The following TTC7B variants were observed in gnomAD, a reference collection of about 807,000 sequenced individuals.
TTC7B encodes the protein tetratricopeptide repeat domain 7B.
Under a neutral mutation model 106.8 loss-of-function variants are expected in TTC7B, and 28 were observed. The ratio of observed to expected loss-of-function variants is 0.26; its 90% CI spans 0.19 to 0.36. The LOEUF (loss-of-function observed/expected upper bound fraction) is 0.36. TTC7B is among the 10% of genes least tolerant of loss of function. The pLI is 1.00. For missense variants in TTC7B, 862 were observed against 1,076.4 expected, an observed-to-expected ratio of 0.80 and a Z score of 2.79; for synonymous variants, 405 against 430.6, an observed-to-expected ratio of 0.94 and a Z score of 0.74.
Position 90,759,395 on chromosome 14 carries a change from C to T in TTC7B, c.446-14473G>A, listed in dbSNP as rs1199141594. The stretch of plus-strand genomic sequence containing the variant: ...ACTAGGAGTTTTAAAATATAAAACA[C>T]GAGTCTGGCCTAGGTGATGTCTTAC... On this transcript the variant is annotated intron_variant, in intron 3 of 19. Transcript: ENST00000328459. This position sits in a 1 kb window ranked among gnomAD's most constrained non-coding sequence, Gnocchi z 4.1. Among the ~76,000 whole-genome samples, 2 of 152,158 alleles carry T rather than the reference C, an allele frequency of 1.3e-5. No homozygotes were observed. The highest frequency in any genetic ancestry group is 2.4e-5 in the African/African-American group (1 of 41,428).
intron 7 of TTC7B, among the ~76,000 whole-genome samples, chr14:90,685,720 C>G (rs1194920356): frequency 6.6e-6 from 1 of 151,982 alleles, no homozygotes; most frequent in African/African-American, 2.4e-5. Context: ...AACAACTGTA[C>G]GGAAGCAACT....
rs537287044 is a variant in TTC7B, at chr14:90,534,136, G to C, written c.*7232C>G. ...GGGTCCCCCACGGTGTGACCTTGAG[G>C]GGGGGCCTCAGCCTGGCCCCCAAAA... On this transcript the variant is annotated 3_prime_UTR_variant, in exon 20 of 20. Transcript: ENST00000328459. 1.3e-5 allele frequency: 2 copies of C among 152,414 alleles called. No homozygotes were observed. The highest frequency in any genetic ancestry group is 1.9e-4 in the East Asian group (1 of 5,196). The allele number at this position is 152,414 out of a possible 1,614,324, so 9.4% of individuals were successfully genotyped here. A position where few individuals can be genotyped will look rare whatever the true frequency, so the allele number is the denominator to read the frequency against.
intron 1 of TTC7B, among the ~76,000 whole-genome samples, chr14:90,815,334 T>C (rs771324153): frequency 5.9e-5 from 9 of 152,162 alleles, no homozygotes; most frequent in Non-Finnish European, 1.2e-4. Flanking sequence ...TGCAATTTTA[T>C]TTGATTGGGT....
chr14:90,598,209 C>T lies in TTC7B; in HGVS notation c.1967-4583G>A, dbSNP rs754208505. On this transcript the variant is annotated intron_variant, in intron 17 of 19. Transcript: ENST00000328459. Reference sequence around the variant, plus strand: ...CAAGACCCACTGTACCAAGGGCTGACGTAGGCAGGTGAGAGCTCGCTCTGA... The same window carrying T: ...CAAGACCCACTGTACCAAGGGCTGATGTAGGCAGGTGAGAGCTCGCTCTGA... Among the ~76,000 whole-genome samples the T allele has an allele frequency of 5.9e-5, 9 of 152,230 alleles. 1 individual carries two copies. The highest frequency in any genetic ancestry group is 1.0e-4 in the Non-Finnish European group (7 of 68,042).
chr14:90,590,223 G>C (rs1022279863), intron 18 of TTC7B, among the ~76,000 whole-genome samples: 3 of 152,148 alleles, frequency 2.0e-5, no homozygotes, highest in Non-Finnish European at 2.9e-5. Context: ...TCATCTCCTG[G>C]GCCTGTCCCC....
rs1187950067 is a variant in TTC7B at position 90,535,569 on chromosome 14, C to G, written c.*5799G>C. The G allele has an allele frequency of 6.6e-6, 1 of 152,586 alleles. No individual in the cohort carries two copies. The highest frequency in any genetic ancestry group is 2.1e-4 in the South Asian group (1 of 4,848). 9.5% of individuals were successfully genotyped at this position (152,586 alleles called of 1,614,324 possible). ...GGAAACACAAGGTGCTCAGCGAGGC[C>G]GCCTTCAACACTCAACACGGCCCCT... On this transcript the variant is annotated 3_prime_UTR_variant, in exon 20 of 20. Transcript: ENST00000328459.
At chr14:90,806,468 A>C (rs2030617471) in intron 1 of TTC7B, among the ~76,000 whole-genome samples, 2 of 152,254 alleles carry the variant, frequency 1.3e-5, no homozygotes, top group South Asian at 4.1e-4. Context: ...TGCCCCCTGC[A>C]CCCTTTGCAA....
intron 19 of TTC7B, among the ~76,000 whole-genome samples, chr14:90,558,407 C>CGCTG (rs1890417306): frequency 6.6e-6 from 1 of 152,272 alleles, no homozygotes; most frequent in African/African-American, 2.4e-5. Context: ...CCACCCCGGG[C>CGCTG]GCTGCTCTGC....
rs1042713411 is a variant in TTC7B at position 90,808,560 on chromosome 14, G to C, written c.121+7615C>G. On this transcript the variant is annotated intron_variant, in intron 1 of 19. Coordinates refer to ENST00000328459, the MANE Select transcript of TTC7B (RefSeq NM_001010854.2). This position sits in a 1 kb window ranked among gnomAD's most constrained non-coding sequence, Gnocchi z 4.2. Reference sequence around the variant, plus strand: ...ATGAGCAGGGACAGACAAATCCCATGGGTGGAAGGGCTGCAGCCACTCCAT... The same window carrying C: ...ATGAGCAGGGACAGACAAATCCCATCGGTGGAAGGGCTGCAGCCACTCCAT... Among the ~76,000 whole-genome samples the C allele has an allele frequency of 6.6e-6, 1 of 152,190 alleles. No homozygotes were observed. Among genetic ancestry groups the C allele is most frequent in the African/African-American group, 2.4e-5 (1 of 41,440 alleles).
intron 3 of TTC7B, chr14:90,766,504 C>A: frequency 2.9e-6 from 2 of 701,572 alleles, no homozygotes; most frequent in South Asian, 1.6e-5. Flanking sequence ...GACAGGAGGC[C>A]TACGTGCCAC....
At position 90,529,514 on chromosome 14, in the gene TTC7B, C is replaced by T. The variant is rs1889230624; in HGVS notation, c.*11854G>A. ...ACCCTAAGATAGATAATCAGAGATG[C>T]TAGGAGAAAACATGAGCATGTGAGT... On this transcript the variant is annotated 3_prime_UTR_variant, in exon 20 of 20. Transcript: ENST00000328459. 1.3e-5 allele frequency: 2 copies of T among 152,166 alleles called. No individual in the cohort carries two copies. The highest frequency in any genetic ancestry group is 4.1e-4 in the South Asian group (2 of 4,832). The allele number at this position is 152,166 out of a possible 1,614,324, so 9.4% of individuals were successfully genotyped here.
chr14:90,804,935 T>G (rs886765427), intron 1 of TTC7B, among the ~76,000 whole-genome samples: 2 of 152,096 alleles, frequency 1.3e-5, no homozygotes, highest in African/African-American at 4.8e-5. Context: ...GGAAGGCTGC[T>G]CAGCAAGTGT....
chr14:90,699,754 C>T (rs1268215521), intron 5 of TTC7B, among the ~76,000 whole-genome samples: 2 of 152,226 alleles, frequency 1.3e-5, no homozygotes, highest in Non-Finnish European at 2.9e-5. Flanking sequence ...AATGCTGAAG[C>T]ACTAGGTTAC....
At chr14:90,715,486 T>C (rs1301220507) in intron 5 of TTC7B, among the ~76,000 whole-genome samples, 2 of 152,208 alleles carry the variant, frequency 1.3e-5, no homozygotes, top group Non-Finnish European at 2.9e-5. Context: ...TATCAAACCC[T>C]TACATAGTAC....
rs187392581 is a variant in TTC7B, at chr14:90,763,726, G to T, written c.445+17012C>A. 1.1e-3 allele frequency among the ~76,000 whole-genome samples: 169 copies of T among 152,176 alleles called. 1 individual carries two copies. Among genetic ancestry groups the T allele is most frequent in the Non-Finnish European group, 1.7e-3 (118 of 67,980 alleles). ...TCTATACCTTAGTAATGAGCAATCT[G>T]AAATTTAAAAAATAGTTTCACTTAT... is the stretch of plus-strand genomic sequence containing the variant. On this transcript the variant is annotated intron_variant, in intron 3 of 19. Coordinates refer to ENST00000328459, the MANE Select transcript of TTC7B (RefSeq NM_001010854.2).
intron 1 of TTC7B, among the ~76,000 whole-genome samples, chr14:90,786,584 A>AC (rs1467397592): frequency 6.6e-6 from 1 of 151,734 alleles, no homozygotes; most frequent in Non-Finnish European, 1.5e-5. Context: ...GCCAGTAGAT[A>AC]CTTTTTTTTT....
At chr14:90,660,489 C>T (rs1886158825) in intron 9 of TTC7B, among the ~76,000 whole-genome samples, 1 of 151,498 alleles carries the variant, frequency 6.6e-6, no homozygotes, top group Non-Finnish European at 1.5e-5. Context: ...CAACAAAATC[C>T]CCCTCCACCA....
intron 18 of TTC7B, among the ~76,000 whole-genome samples, chr14:90,586,731 G>A (rs1370158960): frequency 1.3e-5 from 2 of 152,144 alleles, no homozygotes; most frequent in Non-Finnish European, 2.9e-5. Context: ...GTTCTGAAAT[G>A]TAGACCGGAA....
chr14:90,708,319 C>T (rs146907317), intron 5 of TTC7B, among the ~76,000 whole-genome samples: 3 of 152,086 alleles, frequency 2.0e-5, no homozygotes, highest in Non-Finnish European at 2.9e-5. Context: ...ATGTTATCTA[C>T]GACTTTCGTA....
Sources: gnomAD v4.1 joint callset for allele counts (sites outside exome capture counted in the v4.1 genomes callset) on GRCh38, gnomAD v4.1.1 for gene constraint, Gnocchi (gnomAD v3.1) non-coding constraint, MANE v1.5 for transcripts, NCBI Gene and HGNC (gene_info 2026-07-23, HGNC 2026-07-21) for gene names.